Variants in KDELR3 observed in about 807,000 individuals in gnomAD.
The protein encoded by KDELR3 is KDEL endoplasmic reticulum protein retention receptor 3, also known as ER lumen protein-retaining receptor 3.
In KDELR3, 26 loss-of-function variants were observed where a neutral mutation model predicts 22.7. That is an observed-to-expected ratio of 1.15 (90% CI 0.84 to 1.59). The LOEUF is 1.59. Among genes scored for constraint, KDELR3 ranks in the 40% most tolerant of loss-of-function variants. The pLI, the probability that KDELR3 is intolerant of heterozygous loss-of-function variation, is 0.00. For missense variants in KDELR3, 289 were observed against 251.1 expected, an observed-to-expected ratio of 1.15 and a Z score of -1.02; for synonymous variants, 120 against 98.2, an observed-to-expected ratio of 1.22 and a Z score of -1.31.
At chr22:38,475,079 CAAAAAAAAAAAAAAA>C (rs1018109138) in intron 2 of KDELR3, among the ~76,000 whole-genome samples, 1 of 20,460 alleles carries the variant, frequency 4.9e-5, no homozygotes, top group East Asian at 1.4e-3. Context: ...GACTCTGTCT[CAAAAAAAAAAAAAAA>C]AAAAAAAAAA....
At chr22:38,472,763 G>A (rs1258830127) in intron 1 of KDELR3, among the ~76,000 whole-genome samples, 1 of 152,120 alleles carries the variant, frequency 6.6e-6, no homozygotes, top group South Asian at 2.1e-4. Flanking sequence ...GCAATGGCAC[G>A]ATCTCGGCTC....
At chr22:38,474,674 C>T in intron 2 of KDELR3, 51 bp downstream of exon 2, 2 of 1,442,574 alleles carry the variant, frequency 1.4e-6, no homozygotes, top group Non-Finnish European at 2.0e-6. Context: ...CCCCCACAAA[C>T]TGTGAGGTAG....
intron 1 of KDELR3, among the ~76,000 whole-genome samples, chr22:38,469,967 G>A (rs553753562): frequency 1.3e-5 from 2 of 148,842 alleles, no homozygotes; most frequent in African/African-American, 2.5e-5. Flanking sequence ...TTACAGGCAC[G>A]CACCACCACA....
chr22:38,479,564 T>G (rs757666985), intron 2 of KDELR3, 29 bp from the exon 3 acceptor site: 2 of 1,600,634 alleles, frequency 1.2e-6, no homozygotes, highest in South Asian at 1.1e-5. Flanking sequence ...CTTCATAGAT[T>G]CGATTCCCAT....
At chr22:38,479,842 C>CT (rs1248138308) in intron 3 of KDELR3, 91 bp downstream of exon 3, 38 of 1,152,968 alleles carry the variant, frequency 3.3e-5, no homozygotes, top group Non-Finnish European at 4.9e-5. Flanking sequence ...CTGCTTACAA[C>CT]TGTGACCATT....
Position 38,481,389 on chromosome 22 carries a change from GA to G in KDELR3, c.530del (p.Asp177AlafsTer9), listed in dbSNP as rs1389747231. 1 of 1,614,044 alleles carries G rather than the reference GA, an allele frequency of 6.2e-7. No individual in the cohort carries two copies. The highest frequency in any genetic ancestry group is 8.5e-7 in the Non-Finnish European group (1 of 1,180,044). Reference protein sequence around the residue: ...IRRYQTENFYDQIAVVSGVVQ... With the variant: ...IRRYQTENFYXQIAVVSGVVQ... ...GCGGTACCAGACTGAGAATTTCTAT[GA>G]CCAAATTGCAGTCGTGTCTGGAGTA... On this transcript the variant is annotated frameshift_variant, in exon 4 of 5. Transcript: ENST00000216014. LOFTEE classifies it high-confidence loss of function.
At chr22:38,473,981 GAAAA>G in intron 1 of KDELR3, among the ~76,000 whole-genome samples, 1 of 234 alleles carries the variant, frequency 4.3e-3, no homozygotes, top group South Asian at 0.083. Context: ...CTCAAAAAAA[GAAAA>G]AAGAAAAAAG....
At chr22:38,474,680 G>C in intron 2 of KDELR3, 57 bp downstream of exon 2, 1 of 1,419,428 alleles carries the variant, frequency 7.0e-7, no homozygotes. Flanking sequence ...CAAACTGTGA[G>C]GTAGCCTGCT....
At position 38,481,258 on chromosome 22, in the gene KDELR3, C is replaced by G. The variant is rs749558596; in HGVS notation, c.398C>G (p.Pro133Arg). 2.5e-6 allele frequency: 4 copies of G among 1,614,144 alleles called. No homozygotes were observed. The Admixed American group carries it at 6.7e-5, about 27-fold the overall frequency. ...SIYLESVAIL[P>R]QLFMISKTGE... ...TATCTGGAATCAGTGGCTATCCTGC[C>G]CCAGCTCTTCATGATCAGCAAGACT... The change falls in exon 4 of 5, where the codon CCC (proline) becomes CGC (arginine). Residue 133 changes from proline to arginine, a missense_variant. Pro to Arg is a moderately radical substitution (Grantham distance 103, BLOSUM62 -2). Coordinates refer to ENST00000216014, the MANE Select transcript of KDELR3 (RefSeq NM_006855.4).
Position 38,481,441 on chromosome 22 carries a change from T to A in KDELR3, c.581T>A (p.Phe194Tyr), listed in dbSNP as rs756093412. 39 of 1,614,068 alleles carry A rather than the reference T, an allele frequency of 2.4e-5. 1 individual carries two copies. Among genetic ancestry groups the A allele is most frequent in the South Asian group, 2.1e-4 (19 of 91,082 alleles). The part of the protein sequence containing the change: ...GVVQTIFYCD[F>Y]FYLYVTKVLK... The stretch of plus-strand genomic sequence containing the variant: ...GTACAAACCATCTTCTACTGTGACT[T>A]CTTCTACTTGTATGTGACCAAAGGT... Residue 194 changes from phenylalanine (F) to tyrosine (Y), a missense_variant, in exon 4 of 5, where the codon TTC becomes TAC. Transcript: ENST00000216014.
rs775800725 is a variant in KDELR3, at chr22:38,479,695, CT to C, written c.296del (p.Leu99ArgfsTer39). ...TGACACATTCCGCCTGGAGTTTCTTCTGGTCCCAGTCATTGGCCTTTCCTTC... is the reference window on the plus strand; with the variant it reads ...TGACACATTCCGCCTGGAGTTTCTTCGGTCCCAGTCATTGGCCTTTCCTTC... ...ENDTFRLEFL[L>X]VPVIGLSFLE... On this transcript the variant is annotated frameshift_variant, in exon 3 of 5. Coordinates refer to ENST00000216014, the MANE Select transcript of KDELR3 (RefSeq NM_006855.4). LOFTEE classifies it high-confidence loss of function. 3.1e-6 allele frequency: 5 copies of C among 1,614,222 alleles called. No individual in the cohort carries two copies. The East Asian group carries it at 1.1e-4, about 36-fold the overall frequency.
At chr22:38,470,362 C>T (rs77701206) in intron 1 of KDELR3, among the ~76,000 whole-genome samples, 8,995 of 152,048 alleles carry the variant, frequency 0.059, 298 homozygotes, top group African/African-American at 0.074. Flanking sequence ...GGGCTCGAGT[C>T]ACAGGTGTGA....
intron 4 of KDELR3, chr22:38,481,722 C>G: frequency 1.7e-6 from 2 of 1,208,514 alleles, no homozygotes; most frequent in Non-Finnish European, 2.2e-6. Context: ...GAAAAACATT[C>G]CAGAACTTAT....
chr22:38,480,945 TTAA>T (rs954832510), intron 3 of KDELR3, among the ~76,000 whole-genome samples: 8 of 151,298 alleles, frequency 5.3e-5, no homozygotes, highest in African/African-American at 1.9e-4. Context: ...AAAAAAAAAA[TTAA>T]AAGTAGTTTT....
chr22:38,482,342 A>G (rs1204195563), intron 4 of KDELR3, among the ~76,000 whole-genome samples, 154 bp from the exon 5 acceptor site: 1 of 152,218 alleles, frequency 6.6e-6, no homozygotes, highest in African/African-American at 2.4e-5. Context: ...CAGTAGGTCC[A>G]TAGTCAACCG....
rs1383276234 is a variant in KDELR3 at position 38,470,088 on chromosome 22, G to A, written c.91+1764G>A. Among the ~76,000 whole-genome samples, 4 of 150,858 alleles carry A rather than the reference G, an allele frequency of 2.7e-5. No homozygotes were observed. In the East Asian group the frequency reaches 7.8e-4, roughly 30 times the overall value. Reference sequence around the variant, plus strand: ...ACCCACCTCGGCCTCCGAAAGTGCTGGTGCTGGGATTGTAGGCGTGGGCCA... The same window carrying A: ...ACCCACCTCGGCCTCCGAAAGTGCTAGTGCTGGGATTGTAGGCGTGGGCCA... On this transcript the variant is annotated intron_variant, in intron 1 of 4. Coordinates refer to ENST00000216014, the MANE Select transcript of KDELR3 (RefSeq NM_006855.4).
chr22:38,470,590 A>C (rs1208162054), intron 1 of KDELR3, among the ~76,000 whole-genome samples: 1 of 152,202 alleles, frequency 6.6e-6, no homozygotes, highest in Non-Finnish European at 1.5e-5. Context: ...TGACCTCAAC[A>C]GACCCAGCCC....
chr22:38,477,893 CAA>C (rs1393843086), intron 2 of KDELR3, among the ~76,000 whole-genome samples: 3 of 152,288 alleles, frequency 2.0e-5, no homozygotes, highest in African/African-American at 4.8e-5. Flanking sequence ...CTAGGAAGCT[CAA>C]AGAGGCTAGT....
At chr22:38,476,759 C>T (rs1037105754) in intron 2 of KDELR3, among the ~76,000 whole-genome samples, 1 of 150,930 alleles carries the variant, frequency 6.6e-6, no homozygotes, top group East Asian at 2.0e-4. Flanking sequence ...CTCCTGACCT[C>T]GTGATCTGCC....
Sources: allele counts gnomAD v4.1 joint callset (sites outside exome capture counted in the v4.1 genomes callset), GRCh38; gene constraint gnomAD v4.1.1; transcripts MANE v1.5; gene names NCBI Gene and HGNC (gene_info 2026-07-23, HGNC 2026-07-21).